The following SDK1 variants were observed in gnomAD, a reference collection of about 807,000 sequenced individuals.
SDK1 encodes the protein protein sidekick-1.
A neutral mutation model predicts 245.5 loss-of-function variants in SDK1; 157 were observed. The observed-to-expected ratio is 0.64, with a 90% CI of 0.56 to 0.73. SDK1 has a LOEUF of 0.73. Among genes scored for constraint, SDK1 ranks in the 30% least tolerant of loss-of-function variants. The pLI is 0.00. For missense variants in SDK1, 3,583 were observed against 3,002.3 expected (o/e 1.19, Z -4.52); for synonymous variants, 1,647 against 1,278.5 (o/e 1.29, Z -6.15).
chr7:3,339,003 T>G (rs4443553), intron 1 of SDK1, among the ~76,000 whole-genome samples: 1 of 151,928 alleles, frequency 6.6e-6, no homozygotes, highest in Admixed American at 6.5e-5. Context: ...ATACACCAAT[T>G]AAAGGATAGA....
chr7:3,432,648 A>C (rs1779890384), intron 1 of SDK1, among the ~76,000 whole-genome samples: 1 of 152,168 alleles, frequency 6.6e-6, no homozygotes, highest in African/African-American at 2.4e-5. Flanking sequence ...CTTGAATTTT[A>C]ATAGGAACCT....
chr7:3,726,127 T>C (rs566382685), intron 4 of SDK1, among the ~76,000 whole-genome samples: 1 of 152,346 alleles, frequency 6.6e-6, no homozygotes, highest in Admixed American at 6.5e-5. Flanking sequence ...TTCGACTTTA[T>C]AGAGAAGGAT....
In SDK1 at chr7:3,518,348, C is replaced by T. The variant is rs1782816395; in HGVS notation, c.299-100732C>T. 2.0e-5 allele frequency among the ~76,000 whole-genome samples: 3 copies of T among 151,890 alleles called. 1 individual carries two copies. In the South Asian group the frequency reaches 6.2e-4, roughly 32 times the overall value. On this transcript the variant is annotated intron_variant, in intron 1 of 44. Transcript: ENST00000404826. The stretch of plus-strand genomic sequence containing the variant: ...AAAGTAAAAATAAATGGGATTATTT[C>T]AAACTCAAAAGCTTCTGCACAGCAA...
intron 4 of SDK1, among the ~76,000 whole-genome samples, chr7:3,724,549 G>A (rs1445753845): frequency 2.0e-5 from 3 of 152,208 alleles, no homozygotes; most frequent in African/African-American, 7.2e-5. Flanking sequence ...TGCCTTCCAA[G>A]GGGCCTAATA....
intron 1 of SDK1, among the ~76,000 whole-genome samples, chr7:3,474,755 A>G (rs548488739): frequency 6.6e-6 from 1 of 152,224 alleles, no homozygotes; most frequent in Non-Finnish European, 1.5e-5. Context: ...CAGTGGCATG[A>G]TCATAGCTCA....
At chr7:3,647,802 C>G (rs1335788803) in intron 4 of SDK1, among the ~76,000 whole-genome samples, 1 of 151,984 alleles carries the variant, frequency 6.6e-6, no homozygotes, top group Admixed American at 6.6e-5. Flanking sequence ...ATAGGAGATA[C>G]ACAGTGCTGG....
chr7:3,458,164 A>G (rs550366034), intron 1 of SDK1, among the ~76,000 whole-genome samples: 61 of 149,868 alleles, frequency 4.1e-4, no homozygotes, highest in South Asian at 3.1e-3. Flanking sequence ...TTGATGTGGC[A>G]TGGTGGCCTT....
intron 4 of SDK1, among the ~76,000 whole-genome samples, chr7:3,680,607 A>G (rs1482988429): frequency 6.6e-6 from 1 of 152,178 alleles, no homozygotes; most frequent in African/African-American, 2.4e-5. Flanking sequence ...TTTCTGTACA[A>G]TTTTGGTATC....
intron 1 of SDK1, among the ~76,000 whole-genome samples, chr7:3,319,891 T>TTTTTTTTTTTTTTTTTTA (rs1423695362): frequency 6.8e-6 from 1 of 147,558 alleles, no homozygotes; most frequent in Admixed American, 6.8e-5. Context: ...TTTTTTTTTT[T>TTTTTTTTTTTTTTTTTTA]TTTTGCATTT....
intron 1 of SDK1, among the ~76,000 whole-genome samples, chr7:3,515,758 C>T (rs1369389525): frequency 6.6e-6 from 1 of 152,100 alleles, no homozygotes; most frequent in African/African-American, 2.4e-5. Context: ...GATTTTACTG[C>T]TGAAATTACA....
At chr7:3,604,230 A>G (rs34524889) in intron 1 of SDK1, among the ~76,000 whole-genome samples, 10,725 of 152,154 alleles carry the variant, frequency 0.07, 466 homozygotes, top group East Asian at 0.18. Context: ...TTCTTTTTCT[A>G]TTGATTGGAA....
intron 1 of SDK1, among the ~76,000 whole-genome samples, chr7:3,304,498 C>G (rs1779366759): frequency 6.6e-6 from 1 of 152,216 alleles, no homozygotes; most frequent in South Asian, 2.1e-4. Flanking sequence ...ATTCAGCTTG[C>G]ATTCCTCAGG....
chr7:3,542,130 G>A lies in SDK1; in HGVS notation c.299-76950G>A, dbSNP rs183848126. On this transcript the variant is annotated intron_variant, in intron 1 of 44. Transcript: ENST00000404826. Reference sequence around the variant, plus strand: ...ATTTAATTGTCGATAAGTCATCAGCGGCAAACCCAAACTGTAGAATTTTAA... The same window carrying A: ...ATTTAATTGTCGATAAGTCATCAGCAGCAAACCCAAACTGTAGAATTTTAA... 2.5e-3 allele frequency among the ~76,000 whole-genome samples: 382 copies of A among 152,158 alleles called. 4 individuals are homozygous for A. The highest frequency in any genetic ancestry group is 9.0e-3 in the African/African-American group (373 of 41,516).
At chr7:3,382,416 G>A (rs955761606) in intron 1 of SDK1, among the ~76,000 whole-genome samples, 1 of 152,156 alleles carries the variant, frequency 6.6e-6, no homozygotes, top group South Asian at 2.1e-4. Flanking sequence ...TGTGGATTGA[G>A]CCATATGAAA....
At chr7:3,953,002 G>A (rs913009558) in intron 7 of SDK1, among the ~76,000 whole-genome samples, 4 of 152,028 alleles carry the variant, frequency 2.6e-5, no homozygotes, top group African/African-American at 4.8e-5. Flanking sequence ...AGTGGTAGCC[G>A]CTGTTGATAA....
Position 3,616,928 on chromosome 7 carries a change from C to T in SDK1, c.299-2152C>T, listed in dbSNP as rs557330864. Among the ~76,000 whole-genome samples the T allele has an allele frequency of 3.9e-4, 60 of 152,186 alleles. No individual in the cohort carries two copies. The Middle Eastern group carries it at 0.02, about 52-fold the overall frequency. ...GTATGACTTCTTGAAAAGAAATTTTCCGTATTAAGGAAATATGTGACATTT... is the reference window on the plus strand; with the variant it reads ...GTATGACTTCTTGAAAAGAAATTTTTCGTATTAAGGAAATATGTGACATTT... On this transcript the variant is annotated intron_variant, in intron 1 of 44. Coordinates refer to ENST00000404826, the MANE Select transcript of SDK1 (RefSeq NM_152744.4).
intron 1 of SDK1, among the ~76,000 whole-genome samples, chr7:3,581,918 T>C (rs1394394841): frequency 6.6e-6 from 1 of 152,188 alleles, no homozygotes; most frequent in African/African-American, 2.4e-5. Flanking sequence ...ATATCACATA[T>C]TCTCGTCAGT....
At chr7:3,722,717 C>T (rs1017035733) in intron 4 of SDK1, among the ~76,000 whole-genome samples, 2 of 152,194 alleles carry the variant, frequency 1.3e-5, no homozygotes, top group African/African-American at 2.4e-5. Context: ...AAGTGCCCCA[C>T]CCCCTGGTGC....
At chr7:3,604,238 G>T (rs1280130440) in intron 1 of SDK1, among the ~76,000 whole-genome samples, 1 of 152,160 alleles carries the variant, frequency 6.6e-6, no homozygotes, top group Non-Finnish European at 1.5e-5. Flanking sequence ...CTATTGATTG[G>T]AATAGTTTCA....
Sources: allele counts gnomAD v4.1 joint callset (sites outside exome capture counted in the v4.1 genomes callset), GRCh38; gene constraint gnomAD v4.1.1; transcripts MANE v1.5; gene names NCBI Gene and HGNC (gene_info 2026-07-23, HGNC 2026-07-21).